Variants in SETD1A observed in about 807,000 individuals in gnomAD.
SETD1A encodes the protein histone-lysine N-methyltransferase SETD1A.
Under a neutral mutation model 149.9 loss-of-function variants are expected in SETD1A, and 29 were observed. That is an observed-to-expected ratio of 0.19 (90% CI 0.14 to 0.26). The LOEUF (loss-of-function observed/expected upper bound fraction) is 0.26, where lower values mean the gene tolerates loss of function less well. Ranked by LOEUF, SETD1A falls within the 10% of genes least tolerant of loss-of-function variation. SETD1A has a pLI of 1.00. For synonymous variants in SETD1A, 1,141 were observed against 968.5 expected (o/e 1.18, Z -3.31); for missense variants, 2,109 against 2,353.1 (o/e 0.90, Z 2.15).
At position 30,971,520 on chromosome 16, in the gene SETD1A, G is replaced by A. The variant is rs754761831; in HGVS notation, c.3159G>A (p.Ser1053=). The A allele has an allele frequency of 1.7e-5, 27 of 1,613,508 alleles. No individual in the cohort carries two copies. Among genetic ancestry groups the A allele is most frequent in the Middle Eastern group, 1.7e-4 (1 of 6,050 alleles). Residue 1053 remains serine (S), a synonymous_variant, in exon 13 of 19, where the codon TCG becomes TCA. Transcript: ENST00000262519. The part of the protein sequence containing the change: ...SSSSSSSSSS[S]SSSSSESSSE... ...CCTCCTCCTCGTCCTCATCCTCCTC[G>A]TCCTCTTCATCCTCTGAGTCCTCCT...
At chr16:30,978,324 A>G (rs935344956) in intron 13 of SETD1A, among the ~76,000 whole-genome samples, 22 of 151,618 alleles carry the variant, frequency 1.5e-4, no homozygotes, top group Middle Eastern at 3.4e-3. Context: ...TGTGAGGATT[A>G]CATGAGTTAC....
intron 10 of SETD1A, among the ~76,000 whole-genome samples, chr16:30,968,385 A>G (rs1392905999): frequency 6.6e-6 from 1 of 151,144 alleles, no homozygotes; most frequent in Non-Finnish European, 1.5e-5. Context: ...CCTGGGTGAT[A>G]GCACGAGACT....
In SETD1A at chr16:30,960,692, A is replaced by G. The variant is rs578034536; in HGVS notation, c.247-575A>G. On this transcript the variant is annotated intron_variant, in intron 3 of 18. Transcript: ENST00000262519. Reference sequence around the variant, plus strand: ...GCCCTGTAGCTCGTTCTCTCCACGTATATTTATTCCTCAGTGTGTACATTT... The same window carrying G: ...GCCCTGTAGCTCGTTCTCTCCACGTGTATTTATTCCTCAGTGTGTACATTT... 3.0e-5 allele frequency among the ~76,000 whole-genome samples: 4 copies of G among 132,420 alleles called. No homozygotes were observed. The East Asian group carries it at 9.2e-4, about 30-fold the overall frequency. 86.9% of individuals were successfully genotyped at this position (132,420 alleles called of 152,430 possible).
At chr16:30,963,366 G>C (rs746747187) in intron 4 of SETD1A, 67 bp from the exon 5 acceptor site, 5 of 1,445,328 alleles carry the variant, frequency 3.5e-6, no homozygotes, top group Non-Finnish European at 4.6e-6. Context: ...TGAGAAAGCA[G>C]GAATACCAGA....
intron 13 of SETD1A, among the ~76,000 whole-genome samples, chr16:30,978,146 T>C (rs1471857151): frequency 6.6e-6 from 1 of 151,860 alleles, no homozygotes; most frequent in Non-Finnish European, 1.5e-5. Context: ...TGGTGGTGCA[T>C]GCCTGTAGTC....
Position 30,984,361 on chromosome 16 carries a change from T to G in SETD1A, c.*338T>G. ...ACACAGTCCTCTTGCTTTGTGTTAA[T>G]GGGGACTTCCCCTTACGCCCTGCGT... On this transcript the variant is annotated 3_prime_UTR_variant, in exon 19 of 19. Transcript: ENST00000262519. 3.8e-6 allele frequency: 1 copy of G among 264,974 alleles called. No homozygotes were observed. Among genetic ancestry groups the G allele is most frequent in the Non-Finnish European group, 7.3e-6 (1 of 137,548 alleles). 16.4% of individuals were successfully genotyped at this position (264,974 alleles called of 1,614,324 possible). A position where few individuals can be genotyped will look rare whatever the true frequency, so the allele number is the denominator to read the frequency against.
intron 9 of SETD1A, 81 bp downstream of exon 9, chr16:30,967,141 A>G (rs755680767): frequency 1.9e-5 from 20 of 1,062,762 alleles, no homozygotes; most frequent in South Asian, 8.3e-5. Flanking sequence ...GTGGTCAGGA[A>G]CCATGAGTGT....
In SETD1A at chr16:30,984,092, C is replaced by T; in HGVS notation, c.*69C>T. 1.4e-6 allele frequency: 2 copies of T among 1,455,302 alleles called. No homozygotes were observed. The highest frequency in any genetic ancestry group is 2.0e-5 in the Admixed American group (1 of 50,588). 90.1% of individuals were successfully genotyped at this position (1,455,302 alleles called of 1,614,324 possible). A position where few individuals can be genotyped will look rare whatever the true frequency, so the allele number is the denominator to read the frequency against. On this transcript the variant is annotated 3_prime_UTR_variant, in exon 19 of 19. Transcript: ENST00000262519. Reference sequence around the variant, plus strand: ...GTGCCCTGAGCTCCCAGCACCCCCCCAGCCTTAGTGGGCTCAGCAGGGCCC... The same window carrying T: ...GTGCCCTGAGCTCCCAGCACCCCCCTAGCCTTAGTGGGCTCAGCAGGGCCC...
chr16:30,964,615 C>G lies in SETD1A; in HGVS notation c.873C>G (p.Thr291=), dbSNP rs1187668323. The G allele has an allele frequency of 4.3e-6, 7 of 1,611,302 alleles. No homozygotes were observed. The highest frequency in any genetic ancestry group is 5.9e-6 in the Non-Finnish European group (7 of 1,178,502). ...YSQDSAYSSS[T]TSTSFKPRRS... ...AACTCCCCTGCTTCTTCTCCAGCAC[C>G]ACTTCAACCTCCTTCAAGCCCCGGC... Residue 291 remains threonine (T), a synonymous_variant, in exon 7 of 19, where the codon ACC becomes ACG. Transcript: ENST00000262519.
At chr16:30,971,795 T>G in intron 13 of SETD1A, 76 bp downstream of exon 13, 1 of 1,483,238 alleles carries the variant, frequency 6.7e-7, no homozygotes, top group Non-Finnish European at 9.0e-7. Flanking sequence ...CTTGCATTTA[T>G]TGTGTACAAG....
intron 5 of SETD1A, 44 bp from the exon 6 acceptor site, chr16:30,964,050 G>C: frequency 2.7e-6 from 4 of 1,489,906 alleles, no homozygotes; most frequent in Non-Finnish European, 2.8e-6. Context: ...CTCAAGTGGT[G>C]TTTGAGCCCA....
intron 17 of SETD1A, among the ~76,000 whole-genome samples, chr16:30,981,713 G>C (rs2056380678): frequency 6.6e-6 from 1 of 152,198 alleles, no homozygotes; most frequent in South Asian, 2.1e-4. Flanking sequence ...GAAGCGGGAG[G>C]ACAGGCACTG....
In SETD1A at chr16:30,971,307, T is replaced by C. The variant is rs975725903; in HGVS notation, c.3017-71T>C. On this transcript the variant is annotated intron_variant, in intron 12 of 18. Transcript: ENST00000262519. ...AGAGCCCAGCATCCACAGCAGGGAGTGAGTGAGGAGCCCACGGCTGGCCAA... is the reference window on the plus strand; with the variant it reads ...AGAGCCCAGCATCCACAGCAGGGAGCGAGTGAGGAGCCCACGGCTGGCCAA... The C allele has an allele frequency of 8.2e-6, 12 of 1,457,934 alleles. No individual in the cohort carries two copies. The African/African-American group carries it at 8.5e-5, about 10-fold the overall frequency. 90.3% of individuals were successfully genotyped at this position (1,457,934 alleles called of 1,614,324 possible). A position where few individuals can be genotyped will look rare whatever the true frequency, so the allele number is the denominator to read the frequency against.
In SETD1A at chr16:30,965,757, C is replaced by A; in HGVS notation, c.1876C>A (p.Pro626Thr). ...CCTGGCGTCCCTTCCTCTTGGTTAT[C>A]CTCCCCACCAACCTGCCTACCTCCT... ...PYLASLPLGY[P>T]PHQPAYLLPP... is the part of the protein sequence containing the mutation. The change falls in exon 8 of 19, where the codon CCT (proline) becomes ACT (threonine). Residue 626 changes from proline to threonine, a missense_variant. Transcript: ENST00000262519. 1 of 1,382,030 alleles carries A rather than the reference C, an allele frequency of 7.2e-7. No homozygotes were observed. The highest frequency in any genetic ancestry group is 9.6e-7 in the Non-Finnish European group (1 of 1,038,384). The allele number at this position is 1,382,030 out of a possible 1,614,324, so 85.6% of individuals were successfully genotyped here.
Position 30,984,321 on chromosome 16 carries a change from C to T in SETD1A, c.*298C>T, listed in dbSNP as rs757769935. The T allele has an allele frequency of 2.2e-5, 9 of 415,624 alleles. No homozygotes were observed. Among genetic ancestry groups the T allele is most frequent in the Non-Finnish European group, 4.0e-5 (9 of 226,280 alleles). 25.7% of individuals were successfully genotyped at this position (415,624 alleles called of 1,614,324 possible). A position where few individuals can be genotyped will look rare whatever the true frequency, so the allele number is the denominator to read the frequency against. On this transcript the variant is annotated 3_prime_UTR_variant, in exon 19 of 19. Coordinates refer to ENST00000262519, the MANE Select transcript of SETD1A (RefSeq NM_014712.3). The stretch of plus-strand genomic sequence containing the variant: ...CCTGGGGTGCCGGCCTGTACAGATT[C>T]TGTCCTGGGGGGCTACACAGTCCTC...
At chr16:30,971,243 G>T in intron 12 of SETD1A, 135 bp from the exon 13 acceptor site, 1 of 871,088 alleles carries the variant, frequency 1.1e-6, no homozygotes, top group African/African-American at 1.7e-5. Context: ...GTTTGCTTAT[G>T]CAGCTCCTTG....
Position 30,965,791 on chromosome 16 carries a change from G to T in SETD1A, c.1910G>T (p.Arg637Ile), listed in dbSNP as rs1417755977. ...CAACCTGCCTACCTCCTCCCACCCA[G>T]ACCTGATGGGCCGCCGCCCCCTGAG... ...PHQPAYLLPPRPDGPPPPEYP... is the reference protein window; with the variant it reads ...PHQPAYLLPPIPDGPPPPEYP... The change falls in exon 8 of 19, where the codon AGA (arginine) becomes ATA (isoleucine). Residue 637 changes from arginine to isoleucine, a missense_variant. By Grantham distance (97) the Arg-to-Ile change is moderately conservative (BLOSUM62 -3). Coordinates refer to ENST00000262519, the MANE Select transcript of SETD1A (RefSeq NM_014712.3). 6.8e-7 allele frequency: 1 copy of T among 1,479,712 alleles called. No homozygotes were observed. The highest frequency in any genetic ancestry group is 2.9e-5 in the East Asian group (1 of 34,966). The allele number at this position is 1,479,712 out of a possible 1,614,324, so 91.7% of individuals were successfully genotyped here. A position where few individuals can be genotyped will look rare whatever the true frequency, so the allele number is the denominator to read the frequency against.
In SETD1A at chr16:30,966,899, G is replaced by A; in HGVS notation, c.2521G>A (p.Ala841Thr). Residue 841 changes from alanine to threonine, a missense_variant, in exon 9 of 19, where the codon GCC becomes ACC. Coordinates refer to ENST00000262519, the MANE Select transcript of SETD1A (RefSeq NM_014712.3). ...EEKAKPFQNA[A>T]KQQAKEEDKE... ...CTGCCTGCAGCCATTCCAGAACGCGGCCAAGCAGCAAGCCAAGGAGGAGGA... is the reference window on the plus strand; with the variant it reads ...CTGCCTGCAGCCATTCCAGAACGCGACCAAGCAGCAAGCCAAGGAGGAGGA... The A allele has an allele frequency of 6.4e-7, 1 of 1,561,362 alleles. No homozygotes were observed. The highest frequency in any genetic ancestry group is 8.7e-7 in the Non-Finnish European group (1 of 1,153,088).
rs201809592 is a variant in SETD1A, at chr16:30,969,594, T to A, written c.2929-8T>A. 1.6e-4 allele frequency: 253 copies of A among 1,613,764 alleles called. No individual in the cohort carries two copies. Among genetic ancestry groups the A allele is most frequent in the Non-Finnish European group, 2.1e-4 (246 of 1,179,682 alleles). ...TCCTGTTAGTCCTCATTTGTCTTTTTTCTTAAGGATGAGGAGGATGACGAG... is the reference window on the plus strand; with the variant it reads ...TCCTGTTAGTCCTCATTTGTCTTTTATCTTAAGGATGAGGAGGATGACGAG... On this transcript the variant is annotated splice_region_variant and splice_polypyrimidine_tract_variant and intron_variant, in intron 11 of 18. Transcript: ENST00000262519.
Sources: allele counts gnomAD v4.1 joint callset (sites outside exome capture counted in the v4.1 genomes callset), GRCh38; gene constraint gnomAD v4.1.1; transcripts MANE v1.5; gene names NCBI Gene and HGNC (gene_info 2026-07-23, HGNC 2026-07-21).